The following FAT3 variants were observed in gnomAD, a reference collection of about 807,000 sequenced individuals.
FAT3 encodes protocadherin Fat 3.
Under a neutral mutation model 310.2 loss-of-function variants are expected in FAT3, and 95 were observed. That is an observed-to-expected ratio of 0.31 (90% CI 0.26 to 0.36). The LOEUF (loss-of-function observed/expected upper bound fraction) is 0.36, where lower values mean the gene tolerates loss of function less well. Among genes scored for constraint, FAT3 ranks in the 10% least tolerant of loss-of-function variants. FAT3 has a pLI of 1.00. For synonymous variants in FAT3, 2,314 were observed against 2,192.9 expected, an observed-to-expected ratio of 1.06 and a Z score of -1.54; for missense variants, 5,408 against 5,715.6, an observed-to-expected ratio of 0.95 and a Z score of 1.74.
intron 1 of FAT3, among the ~76,000 whole-genome samples, chr11:92,235,798 C>T (rs1864393243): frequency 6.6e-6 from 1 of 152,152 alleles, no homozygotes; most frequent in South Asian, 2.1e-4. Flanking sequence ...CTGGATCTTT[C>T]CTGTATGTTC....
chr11:92,319,578 G>A (rs1947554973), intron 1 of FAT3, among the ~76,000 whole-genome samples: 1 of 152,140 alleles, frequency 6.6e-6, no homozygotes, highest in African/African-American at 2.4e-5. Flanking sequence ...TGCATCTTAT[G>A]TCCTGTGCAA....
chr11:92,517,117 A>C (rs1953512351), intron 2 of FAT3, among the ~76,000 whole-genome samples: 1 of 152,228 alleles, frequency 6.6e-6, no homozygotes, highest in Non-Finnish European at 1.5e-5. Flanking sequence ...TCTTCAAAGA[A>C]TTGGAAAAAA....
chr11:92,530,045 C>G (rs1226574637), intron 3 of FAT3, among the ~76,000 whole-genome samples: 7 of 152,188 alleles, frequency 4.6e-5, no homozygotes, highest in Admixed American at 3.3e-4. Context: ...CTAGGATAGA[C>G]ATTTCCTTTC....
chr11:92,284,601 A>G (rs1388082693), intron 1 of FAT3, among the ~76,000 whole-genome samples: 1 of 152,240 alleles, frequency 6.6e-6, no homozygotes, highest in Non-Finnish European at 1.5e-5. Flanking sequence ...AGGTTCTTGC[A>G]TGTTGAATTC....
At chr11:92,810,117 CT>C in intron 13 of FAT3, 41 bp downstream of exon 13, 1 of 1,570,180 alleles carries the variant, frequency 6.4e-7, no homozygotes, top group African/African-American at 1.3e-5. Flanking sequence ...ACAGTGGACA[CT>C]TTGTCTTCAG....
At chr11:92,265,087 T>C (rs1407196372) in intron 1 of FAT3, among the ~76,000 whole-genome samples, 2 of 151,960 alleles carry the variant, frequency 1.3e-5, no homozygotes, top group Admixed American at 1.3e-4. Context: ...ACAGGTTCCC[T>C]GGAGCTTTTT....
At chr11:92,688,820 C>T (rs948930432) in intron 3 of FAT3, among the ~76,000 whole-genome samples, 6 of 152,242 alleles carry the variant, frequency 3.9e-5, no homozygotes, top group Middle Eastern at 3.4e-3. Context: ...AAAAATGTAA[C>T]CATGCATGGA....
At chr11:92,258,120 G>T (rs1383402323) in intron 1 of FAT3, among the ~76,000 whole-genome samples, 3 of 152,096 alleles carry the variant, frequency 2.0e-5, no homozygotes, top group East Asian at 3.9e-4. Flanking sequence ...TTTATTACTG[G>T]CTGATGTGTG....
chr11:92,586,795 C>T (rs1939180334), intron 3 of FAT3, among the ~76,000 whole-genome samples: 1 of 151,930 alleles, frequency 6.6e-6, no homozygotes, highest in African/African-American at 2.4e-5. Context: ...TACTTTCATG[C>T]ATTGAAATAT....
intron 1 of FAT3, among the ~76,000 whole-genome samples, chr11:92,329,834 A>G (rs769333081): frequency 2.7e-4 from 5 of 18,744 alleles, no homozygotes; most frequent in South Asian, 1.7e-3. Context: ...TTACCAATCA[A>G]TGAGTCAGAA....
chr11:92,793,896 T>G (rs1947098367), intron 9 of FAT3, among the ~76,000 whole-genome samples: 3 of 152,102 alleles, frequency 2.0e-5, no homozygotes. Flanking sequence ...ATGACAGTTT[T>G]GGACTAGAAA....
chr11:92,741,289 C>T lies in FAT3; in HGVS notation c.3670-20567C>T, dbSNP rs1945500122. ...CTCCTGGGTTCAGGCAATCCTCCCA[C>T]CACCACCTCACAAATTGCTGGTGTT... On this transcript the variant is annotated intron_variant, in intron 4 of 27. Transcript: ENST00000525166. Among the ~76,000 whole-genome samples, 4 of 152,156 alleles carry T rather than the reference C, an allele frequency of 2.6e-5. No individual in the cohort carries two copies. In the South Asian group the frequency reaches 8.3e-4, roughly 31 times the overall value.
At chr11:92,673,114 A>G (rs1943181203) in intron 3 of FAT3, among the ~76,000 whole-genome samples, 1 of 152,232 alleles carries the variant, frequency 6.6e-6, no homozygotes, top group African/African-American at 2.4e-5. Context: ...AATTTAGGCT[A>G]CTTTACTATA....
At chr11:92,755,215 TTTTG>T (rs71305390) in intron 4 of FAT3, among the ~76,000 whole-genome samples, 7 of 151,434 alleles carry the variant, frequency 4.6e-5, no homozygotes, top group East Asian at 3.9e-4. Context: ...AGAGAGTAGT[TTTTG>T]TTTGTTTGTT....
intron 1 of FAT3, among the ~76,000 whole-genome samples, chr11:92,319,680 C>G (rs1249832439): frequency 1.3e-5 from 2 of 152,096 alleles, no homozygotes; most frequent in African/African-American, 4.8e-5. Flanking sequence ...GAATCTGCTT[C>G]TAAAAGTAAT....
chr11:92,561,521 T>A (rs566704828), intron 3 of FAT3, among the ~76,000 whole-genome samples: 212 of 152,326 alleles, frequency 1.4e-3, no homozygotes, highest in South Asian at 4.6e-3. Flanking sequence ...TCGTACTTCT[T>A]GTGACTTCCT....
intron 2 of FAT3, among the ~76,000 whole-genome samples, chr11:92,497,904 C>T (rs1952813081): frequency 6.6e-6 from 1 of 152,006 alleles, no homozygotes; most frequent in South Asian, 2.1e-4. Flanking sequence ...GGCATAAACA[C>T]AAGAGAATCT....
intron 3 of FAT3, among the ~76,000 whole-genome samples, chr11:92,558,501 G>A (rs1462939738): frequency 6.6e-6 from 1 of 151,886 alleles, no homozygotes; most frequent in Non-Finnish European, 1.5e-5. Flanking sequence ...TAGGAAATAA[G>A]GCTGTCCAAT....
intron 3 of FAT3, among the ~76,000 whole-genome samples, chr11:92,662,688 A>G (rs1942826262): frequency 1.3e-5 from 2 of 152,354 alleles, no homozygotes; most frequent in Admixed American, 6.5e-5. Context: ...AGGAAGGGTC[A>G]TGATACGTAG....
Sources: gnomAD v4.1 joint callset for allele counts (sites outside exome capture counted in the v4.1 genomes callset) on GRCh38, gnomAD v4.1.1 for gene constraint, MANE v1.5 for transcripts, NCBI Gene and HGNC (gene_info 2026-07-23, HGNC 2026-07-21) for gene names.